SNUPN: variants seen among roughly 807,000 people sequenced by gnomAD.
SNUPN encodes snurportin 1, also known as snurportin-1.
SNUPN carries 31 observed loss-of-function variants against 39.2 expected under a neutral mutation model. The observed-to-expected ratio is 0.79, with a 90% confidence interval of 0.59 to 1.07. The LOEUF is 1.07. SNUPN is among the 50% of genes least tolerant of loss of function. The probability of loss-of-function intolerance (pLI) is 0.00; values close to 1 mark genes in which losing one functional copy is unlikely to be tolerated. For synonymous variants in SNUPN, 132 were observed against 159.0 expected, an observed-to-expected ratio of 0.83 and a Z score of 1.28; for missense variants, 382 against 434.2, an observed-to-expected ratio of 0.88 and a Z score of 1.07.
At chr15:75,609,391 T>G (rs1292337700) in intron 5 of SNUPN, among the ~76,000 whole-genome samples, 167 bp downstream of exon 5, 2 of 151,850 alleles carry the variant, frequency 1.3e-5, no homozygotes, top group African/African-American at 4.8e-5. Context: ...GGGTTTCACC[T>G]TGTTAGCCAG....
chr15:75,626,446 A>G (rs182491346), upstream of SNUPN: 1 of 152,230 alleles, frequency 6.6e-6, no homozygotes, highest in Non-Finnish European at 1.5e-5. Flanking sequence ...AAGTCCTGCC[A>G]GGGTGTAGCC....
chr15:75,604,782 G>C (rs1482185791), intron 7 of SNUPN, among the ~76,000 whole-genome samples: 1 of 149,328 alleles, frequency 6.7e-6, no homozygotes, highest in Non-Finnish European at 1.5e-5. Flanking sequence ...GTAGTGTTTG[G>C]TTACATGAAT....
chr15:75,611,402 G>A (rs1242437289), intron 3 of SNUPN, among the ~76,000 whole-genome samples: 1 of 150,418 alleles, frequency 6.6e-6, no homozygotes, highest in Non-Finnish European at 1.5e-5. Flanking sequence ...ACAGTCACCC[G>A]CCACTGTGCC....
chr15:75,598,664 G>A lies in SNUPN; in HGVS notation c.777C>T (p.Phe259=), dbSNP rs373907922. ...GGCTGTAGTGGGTCTGTTTGTGGTAGAAGAGAAGTCCATCTACCTATAAGA... is the reference window on the plus strand; with the variant it reads ...GGCTGTAGTGGGTCTGTTTGTGGTAAAAGAGAAGTCCATCTACCTATAAGA... ...DFPFEVDGLL[F]YHKQTHYSPG... Residue 259 remains phenylalanine (F), a synonymous_variant, in exon 9 of 9, where the codon TTC becomes TTT. Coordinates refer to ENST00000308588, the MANE Select transcript of SNUPN (RefSeq NM_005701.4). 4 of 1,603,068 alleles carry A rather than the reference G, an allele frequency of 2.5e-6. No homozygotes were observed. Among genetic ancestry groups the A allele is most frequent in the Non-Finnish European group, 3.4e-6 (4 of 1,171,210 alleles).
intron 7 of SNUPN, among the ~76,000 whole-genome samples, chr15:75,604,177 T>G (rs1595982275): frequency 1.3e-5 from 2 of 150,456 alleles, no homozygotes; most frequent in Non-Finnish European, 3.0e-5. Flanking sequence ...TTTTTTTTTT[T>G]TGTGACAGAG....
chr15:75,610,079 G>T, intron 3 of SNUPN, 85 bp from the exon 4 acceptor site: 3 of 1,036,418 alleles, frequency 2.9e-6, no homozygotes, highest in Non-Finnish European at 4.4e-6. Context: ...TATCCTGTGT[G>T]TATATTAAAA....
At chr15:75,616,545 C>T (rs535256939) in intron 3 of SNUPN, among the ~76,000 whole-genome samples, 18 of 152,124 alleles carry the variant, frequency 1.2e-4, no homozygotes, top group Non-Finnish European at 2.5e-4. Context: ...CCCACCTTGG[C>T]CTCCCAAATT....
chr15:75,621,686 T>C (rs2141379587), intron 1 of SNUPN, among the ~76,000 whole-genome samples: 1 of 152,258 alleles, frequency 6.6e-6, no homozygotes, highest in South Asian at 2.1e-4. Flanking sequence ...ATTATGAAAA[T>C]TTAATTCCAG....
intron 1 of SNUPN, chr15:75,622,452 A>G (rs895581342): frequency 8.1e-6 from 8 of 985,416 alleles, no homozygotes; most frequent in Non-Finnish European, 9.6e-6. Context: ...CATGGAGTAG[A>G]TGTCATTTTG....
intron 3 of SNUPN, 62 bp downstream of exon 3, chr15:75,617,346 G>A (rs2141375640): frequency 6.5e-7 from 1 of 1,535,456 alleles, no homozygotes; most frequent in Non-Finnish European, 8.9e-7. Flanking sequence ...ATTTCAGTGG[G>A]CTTTGACTGC....
At chr15:75,612,090 T>C (rs1465248698) in intron 3 of SNUPN, among the ~76,000 whole-genome samples, 1 of 150,188 alleles carries the variant, frequency 6.7e-6, no homozygotes, top group Admixed American at 6.7e-5. Flanking sequence ...TGAAGTGCAG[T>C]GGCACAATCT....
chr15:75,622,952 C>A (rs1431919485), intron 1 of SNUPN, among the ~76,000 whole-genome samples: 2 of 151,916 alleles, frequency 1.3e-5, no homozygotes, highest in Non-Finnish European at 2.9e-5. Context: ...CCAGCCTGGG[C>A]AATATAGCAA....
chr15:75,624,684 G>A, intron 1 of SNUPN: 1 of 1,205,700 alleles, frequency 8.3e-7, no homozygotes, highest in South Asian at 1.5e-5. Context: ...AAGAAAAACT[G>A]ATGTCCTGGA....
chr15:75,619,286 CAA>C (rs777315097), intron 2 of SNUPN, among the ~76,000 whole-genome samples: 13 of 120,656 alleles, frequency 1.1e-4, no homozygotes, highest in African/African-American at 6.2e-5. Flanking sequence ...GAGATAGAGT[CAA>C]AAAAAAAAAA....
chr15:75,603,266 C>T (rs1415412619), intron 7 of SNUPN, among the ~76,000 whole-genome samples: 1 of 146,770 alleles, frequency 6.8e-6, no homozygotes, highest in African/African-American at 2.5e-5. Context: ...CCAGGATGGT[C>T]TCGATCTCCT....
chr15:75,617,968 G>T (rs928930021), intron 2 of SNUPN, among the ~76,000 whole-genome samples: 2 of 152,172 alleles, frequency 1.3e-5, no homozygotes, highest in African/African-American at 4.8e-5. Context: ...GCAACTTGGG[G>T]ATTCTGGTGG....
intron 3 of SNUPN, among the ~76,000 whole-genome samples, chr15:75,611,761 G>A (rs182223809): frequency 2.5e-3 from 380 of 151,830 alleles, no homozygotes; most frequent in Non-Finnish European, 4.7e-3. Flanking sequence ...AGGTTGAGGC[G>A]GGAGAATCAC....
chr15:75,613,893 A>T (rs191162540), intron 3 of SNUPN, among the ~76,000 whole-genome samples: 25 of 152,328 alleles, frequency 1.6e-4, no homozygotes, highest in Middle Eastern at 3.4e-3. Context: ...AAGGTTAAAC[A>T]GAGTTATCAT....
intron 6 of SNUPN, among the ~76,000 whole-genome samples, chr15:75,606,326 A>G (rs932558914): frequency 2.6e-5 from 4 of 152,114 alleles, no homozygotes; most frequent in Non-Finnish European, 4.4e-5. Flanking sequence ...GTATGCGGGA[A>G]TGGCTTAGAA....
Sources: gnomAD v4.1 joint callset for allele counts (sites outside exome capture counted in the v4.1 genomes callset) on GRCh38, gnomAD v4.1.1 for gene constraint, MANE v1.5 for transcripts, NCBI Gene and HGNC (gene_info 2026-07-23, HGNC 2026-07-21) for gene names.